The following NCOR2 variants were observed in gnomAD, a reference collection of about 807,000 sequenced individuals.
NCOR2 encodes CTG repeat protein 26.
In NCOR2, 81 loss-of-function variants were observed where a neutral mutation model predicts 262.9. The observed-to-expected ratio is 0.31, with a 90% confidence interval of 0.26 to 0.37. The LOEUF (loss-of-function observed/expected upper bound fraction) is 0.37, where lower values mean the gene tolerates loss of function less well. NCOR2 is among the 10% of genes least tolerant of loss of function. The pLI is 1.00. For synonymous variants in NCOR2, 1,659 were observed against 1,559.3 expected (o/e 1.06, Z -1.51); for missense variants, 3,385 against 3,621.4 (o/e 0.93, Z 1.68).
At chr12:124,545,543 G>A (rs2051514486) in intron 1 of NCOR2, among the ~76,000 whole-genome samples, 1 of 152,142 alleles carries the variant, frequency 6.6e-6, no homozygotes, top group Non-Finnish European at 1.5e-5. Context: ...ACACAGATGG[G>A]AAAACCAAGG....
chr12:124,472,800 A>G lies in NCOR2; in HGVS notation c.591+152T>C, dbSNP rs1593708699. 3 of 944,904 alleles carry G rather than the reference A, an allele frequency of 3.2e-6. No individual in the cohort carries two copies. In the East Asian group the frequency reaches 7.4e-5, roughly 23 times the overall value. The allele number at this position is 944,904 out of a possible 1,614,324, so 58.5% of individuals were successfully genotyped here. ...TCCATCATGGCAGAAAGTTCTGTGG[A>G]TGTGCTCCTGTCCAATAAACGTAAA... On this transcript the variant is annotated intron_variant, in intron 4 of 46. Coordinates refer to ENST00000405201, the Ensembl canonical transcript of NCOR2.
chr12:124,326,565 G>A (rs897445693), intron 45 of NCOR2, among the ~76,000 whole-genome samples, 195 bp from the exon 48 acceptor site: 2 of 152,204 alleles, frequency 1.3e-5, no homozygotes, highest in African/African-American at 4.8e-5. Flanking sequence ...CCAGCCATGA[G>A]CCTGGAGGGT....
intron 35 of NCOR2, 79 bp from the exon 38 acceptor site, chr12:124,340,522 G>A: frequency 1.9e-6 from 3 of 1,560,816 alleles, no homozygotes; most frequent in African/African-American, 1.4e-5. Context: ...GGGAAAGAGA[G>A]CAGGGCTTCT....
intron 16 of NCOR2, among the ~76,000 whole-genome samples, chr12:124,386,255 C>T (rs2040797318): frequency 6.6e-6 from 1 of 152,112 alleles, no homozygotes; most frequent in Non-Finnish European, 1.5e-5. Flanking sequence ...TCTGCCCAGG[C>T]CCCACCTCTC....
Position 124,517,678 on chromosome 12 carries a change from G to A in NCOR2, c.-118+17887C>T, listed in dbSNP as rs1035148774. On this transcript the variant is annotated intron_variant, in intron 1 of 46. Coordinates refer to the NCOR2 transcript ENST00000404621. This position sits in a 1 kb window ranked among gnomAD's most constrained non-coding sequence, Gnocchi z 7.6. ...GAAGCCCCCTGAGCCCCCAAGGCTC[G>A]CCATGCTCCCCCCCAGGGACGCCGG... Among the ~76,000 whole-genome samples, 4 of 152,202 alleles carry A rather than the reference G, an allele frequency of 2.6e-5. No individual in the cohort carries two copies. The highest frequency in any genetic ancestry group is 4.4e-5 in the Non-Finnish European group (3 of 68,032).
intron 17 of NCOR2, among the ~76,000 whole-genome samples, chr12:124,379,176 G>T (rs1326353801): frequency 2.0e-5 from 3 of 152,152 alleles, no homozygotes; most frequent in East Asian, 3.9e-4. Context: ...AGGTGCAAAG[G>T]CCCCAGTGTG....
intron 12 of NCOR2, 26 bp downstream of exon 14, chr12:124,422,475 G>A: frequency 6.2e-7 from 1 of 1,613,770 alleles, no homozygotes; most frequent in Non-Finnish European, 8.5e-7. Context: ...GGAGACCGAA[G>A]GGGTATGGGG....
In NCOR2 at chr12:124,400,324, T is replaced by C. The variant is rs553315703; in HGVS notation, c.1813+177A>G. 1.3e-4 allele frequency among the ~76,000 whole-genome samples: 20 copies of C among 152,214 alleles called. No homozygotes were observed. In the East Asian group the frequency reaches 3.7e-3, roughly 28 times the overall value. On this transcript the variant is annotated intron_variant, in intron 15 of 46. Transcript: ENST00000405201. The stretch of plus-strand genomic sequence containing the variant: ...CCTGAGGCACAGAGAGGTTCAGGAA[T>C]TCATGCTGGGCCACACAGCACATCC...
intron 5 of NCOR2, 54 bp downstream of exon 7, chr12:124,466,119 G>A: frequency 4.6e-6 from 7 of 1,513,316 alleles, no homozygotes; most frequent in Non-Finnish European, 6.3e-6. Context: ...TGCCCCCTGT[G>A]AAGCGCCTCA....
At chr12:124,400,714 C>G (rs749881034) in intron 14 of NCOR2, 41 bp from the exon 17 acceptor site, 2 of 1,601,422 alleles carry the variant, frequency 1.2e-6, no homozygotes, top group Non-Finnish European at 1.7e-6. Flanking sequence ...TTCACCCGAG[C>G]CGGGAAATCA....
chr12:124,448,054 T>C (rs1003808119), intron 7 of NCOR2, among the ~76,000 whole-genome samples: 2 of 152,220 alleles, frequency 1.3e-5, no homozygotes, highest in Non-Finnish European at 1.5e-5. Context: ...TAGACAAATC[T>C]TGATGAGGGA....
chr12:124,335,508 C>T (rs1350400563), exon 39 of NCOR2: 1 of 1,607,826 alleles, frequency 6.2e-7, no homozygotes, highest in Admixed American at 1.7e-5. Context: ...GCAGCTCCCC[C>T]TCCAGGTGGC....
chr12:124,343,204 T>C (rs1379048855), exon 33 of NCOR2: 1 of 1,608,624 alleles, frequency 6.2e-7, no homozygotes. Flanking sequence ...GGTCCTGGGA[T>C]GCCTTGCTGG....
chr12:124,486,266 C>T lies in NCOR2; in HGVS notation c.233+175G>A. ...CTGAGGGCCACGTGGCTCTTCCCTG[C>T]TCGTCCCATCCTCACCCCGAGTCAC... On this transcript the variant is annotated intron_variant, in intron 2 of 46. Transcript: ENST00000405201. The T allele has an allele frequency of 4.0e-6, 4 of 1,001,418 alleles. No homozygotes were observed. In the East Asian group the frequency reaches 1.3e-4, roughly 32 times the overall value. The allele number at this position is 1,001,418 out of a possible 1,614,324, so 62.0% of individuals were successfully genotyped here. A position where few individuals can be genotyped will look rare whatever the true frequency, so the allele number is the denominator to read the frequency against.
intron 22 of NCOR2, among the ~76,000 whole-genome samples, chr12:124,359,100 C>G (rs868406938): frequency 1.3e-5 from 2 of 152,326 alleles, no homozygotes; most frequent in East Asian, 1.9e-4. Context: ...AGCGGGGCCC[C>G]GGGGCTCAGG....
rs751150087 is a variant in NCOR2, at chr12:124,334,485, G to C, written c.6544C>G (p.Leu2182Val). 2.1e-6 allele frequency: 3 copies of C among 1,460,412 alleles called. No homozygotes were observed. The Admixed American group carries it at 8.0e-5, about 39-fold the overall frequency. 90.5% of individuals were successfully genotyped at this position (1,460,412 alleles called of 1,614,324 possible). A position where few individuals can be genotyped will look rare whatever the true frequency, so the allele number is the denominator to read the frequency against. The change falls in exon 41 of 47, where the codon CTC (leucine) becomes GTC (valine). Residue 2182 changes from leucine to valine, a missense_variant. Physicochemically the swap from Leu to Val is conservative, Grantham distance 32 (BLOSUM62 1). Around this residue, in one of 5 missense-constraint regions of NCOR2, gnomAD observed 1,017 missense variants for 967.2 expected, o/e 1.05. Transcript: ENST00000405201. Reference sequence around the variant, plus strand: ...GGGGCACCATGGTCCGGGGGCGGGAGGTAGAGGTCACTGGGTGGGCGGCGG... The same window carrying C: ...GGGGCACCATGGTCCGGGGGCGGGACGTAGAGGTCACTGGGTGGGCGGCGG...
At chr12:124,436,090 G>A (rs906635550) in intron 8 of NCOR2, among the ~76,000 whole-genome samples, 11 of 152,192 alleles carry the variant, frequency 7.2e-5, no homozygotes, top group Admixed American at 7.2e-4. Flanking sequence ...CAGGGCCCGT[G>A]TCACAGCAAC....
exon 47 of NCOR2, chr12:124,325,480 A>C: frequency 8.0e-7 from 1 of 1,255,824 alleles, no homozygotes. Flanking sequence ...GGTGGGGGCC[A>C]GCGAGGGGCC....
intron 22 of NCOR2, among the ~76,000 whole-genome samples, chr12:124,358,114 C>T (rs866622252): frequency 1.1e-3 from 139 of 122,728 alleles, no homozygotes; most frequent in African/African-American, 3.9e-3. Flanking sequence ...CACGTGCGTG[C>T]GTGTGAGTGC....
Sources: gnomAD v4.1 joint callset for allele counts (sites outside exome capture counted in the v4.1 genomes callset) on GRCh38, gnomAD v4.1.1 for gene constraint, gnomAD v4.1.1 regional missense constraint, Gnocchi (gnomAD v3.1) non-coding constraint, MANE v1.5 for transcripts, NCBI Gene and HGNC (gene_info 2026-07-23, HGNC 2026-07-21) for gene names.